FHOD3: variants seen among roughly 807,000 people sequenced by gnomAD.
FHOD3 encodes the protein FH1/FH2 domain-containing protein 3.
FHOD3 carries 90 observed loss-of-function variants against 173.0 expected under a neutral mutation model. The ratio of observed to expected loss-of-function variants is 0.52; its 90% CI spans 0.44 to 0.62. The LOEUF (loss-of-function observed/expected upper bound fraction) is 0.62, where lower values mean the gene tolerates loss of function less well. Among genes scored for constraint, FHOD3 ranks in the 20% least tolerant of loss-of-function variants. The pLI is 0.00. For missense variants in FHOD3, 1,945 were observed against 2,034.7 expected (o/e 0.96, Z 0.85); for synonymous variants, 828 against 823.0 (o/e 1.01, Z -0.10).
intron 3 of FHOD3, among the ~76,000 whole-genome samples, chr18:36,410,740 T>G (rs1406539552): frequency 6.6e-6 from 1 of 152,318 alleles, no homozygotes; most frequent in African/African-American, 2.4e-5. Context: ...TGATTTGCAT[T>G]TCCCATGTGG....
At chr18:36,373,738 G>A (rs1197800145) in intron 3 of FHOD3, among the ~76,000 whole-genome samples, 1 of 152,208 alleles carries the variant, frequency 6.6e-6, no homozygotes, top group Admixed American at 6.5e-5. Context: ...AAGATCTGTA[G>A]GACCTCCAGC....
Position 36,746,899 on chromosome 18 carries a change from T to C in FHOD3, c.4042-46T>C, listed in dbSNP as rs765809682. ...AGTTTTGTCTCTCAGTTCAGGCTGGTGTCCGGCGGTTTCAGTGTTTGCAGT... is the reference window on the plus strand; with the variant it reads ...AGTTTTGTCTCTCAGTTCAGGCTGGCGTCCGGCGGTTTCAGTGTTTGCAGT... On this transcript the variant is annotated intron_variant, in intron 23 of 28. Coordinates refer to ENST00000590592, the MANE Select transcript of FHOD3 (RefSeq NM_001281740.3). 1.4e-5 allele frequency: 20 copies of C among 1,471,158 alleles called. No individual in the cohort carries two copies. In the South Asian group the frequency reaches 2.0e-4, roughly 15 times the overall value. 91.1% of individuals were successfully genotyped at this position (1,471,158 alleles called of 1,614,324 possible).
intron 6 of FHOD3, among the ~76,000 whole-genome samples, chr18:36,586,237 A>G (rs569207978): frequency 2.2e-4 from 34 of 152,342 alleles, no homozygotes; most frequent in South Asian, 1.0e-3. Context: ...AGTGGAAAGA[A>G]TCAGATTGAC....
At chr18:36,361,266 G>A (rs1283099795) in intron 2 of FHOD3, among the ~76,000 whole-genome samples, 1 of 152,142 alleles carries the variant, frequency 6.6e-6, no homozygotes, top group Admixed American at 6.5e-5. Flanking sequence ...CATTAGGGGT[G>A]AGTTCAGCTG....
chr18:36,621,956 C>T (rs1016600865), intron 9 of FHOD3, among the ~76,000 whole-genome samples: 12 of 152,064 alleles, frequency 7.9e-5, no homozygotes, highest in African/African-American at 2.2e-4. Context: ...CAATGATGGA[C>T]GAATCAATAA....
intron 19 of FHOD3, among the ~76,000 whole-genome samples, chr18:36,726,374 T>C (rs2041070960): frequency 6.6e-6 from 1 of 152,200 alleles, no homozygotes; most frequent in Non-Finnish European, 1.5e-5. Flanking sequence ...TTGTCTGGTT[T>C]CTCATCAATT....
At chr18:36,440,213 G>A (rs1450257161) in intron 3 of FHOD3, among the ~76,000 whole-genome samples, 1 of 152,148 alleles carries the variant, frequency 6.6e-6, no homozygotes, top group Admixed American at 6.5e-5. Context: ...AATAGCTAAG[G>A]AATAAACTAC....
intron 24 of FHOD3, among the ~76,000 whole-genome samples, chr18:36,748,987 GAAAGGACCCTA>G (rs923435117): frequency 2.1e-5 from 3 of 140,620 alleles, no homozygotes; most frequent in African/African-American, 9.0e-5. Context: ...CTGAGGCACA[GAAAGGACCCTA>G]TTCAGGGCCT....
intron 5 of FHOD3, among the ~76,000 whole-genome samples, chr18:36,528,565 G>A (rs1382669297): frequency 6.6e-6 from 1 of 152,176 alleles, no homozygotes; most frequent in Admixed American, 6.5e-5. Context: ...ATACATCTGA[G>A]CTGGTGTCCT....
chr18:36,314,329 A>G (rs766127036), intron 1 of FHOD3, among the ~76,000 whole-genome samples: 42 of 152,222 alleles, frequency 2.8e-4, no homozygotes, highest in Non-Finnish European at 5.6e-4. Flanking sequence ...TCACTTCTCA[A>G]TCCCCATGGG....
At chr18:36,624,395 T>C (rs2033935983) in intron 9 of FHOD3, among the ~76,000 whole-genome samples, 1 of 152,180 alleles carries the variant, frequency 6.6e-6, no homozygotes, top group Admixed American at 6.5e-5. Flanking sequence ...AAGGTCTAGT[T>C]GACACCAAAA....
chr18:36,637,527 A>T (rs1838008991), intron 10 of FHOD3, among the ~76,000 whole-genome samples: 1 of 152,168 alleles, frequency 6.6e-6, no homozygotes, highest in South Asian at 2.1e-4. Flanking sequence ...AAGTGCTGGG[A>T]TTACAGGTGT....
intron 14 of FHOD3, among the ~76,000 whole-genome samples, chr18:36,679,387 G>T (rs1295288726): frequency 6.6e-6 from 1 of 151,498 alleles, no homozygotes. Flanking sequence ...ATACACCTTC[G>T]TTTTCCTATT....
At chr18:36,683,533 G>A (rs1226491481) in intron 15 of FHOD3, among the ~76,000 whole-genome samples, 1 of 152,174 alleles carries the variant, frequency 6.6e-6, no homozygotes, top group Non-Finnish European at 1.5e-5. Flanking sequence ...TACAAAACCA[G>A]TGAGAGTTTA....
intron 3 of FHOD3, among the ~76,000 whole-genome samples, chr18:36,483,391 G>A (rs1361620103): frequency 6.6e-6 from 1 of 152,136 alleles, no homozygotes; most frequent in African/African-American, 2.4e-5. Flanking sequence ...CACTGTCCTG[G>A]AACCAAGGAG....
intron 1 of FHOD3, among the ~76,000 whole-genome samples, chr18:36,305,699 C>T (rs2092074740): frequency 6.6e-6 from 1 of 152,132 alleles, no homozygotes; most frequent in Non-Finnish European, 1.5e-5. Context: ...ACACTACCAG[C>T]TTGCATGGCT....
chr18:36,615,517 T>C (rs1473108858), intron 9 of FHOD3, among the ~76,000 whole-genome samples: 1 of 152,198 alleles, frequency 6.6e-6, no homozygotes, highest in Non-Finnish European at 1.5e-5. Flanking sequence ...GACATAGTAG[T>C]CTACATATAG....
intron 1 of FHOD3, among the ~76,000 whole-genome samples, chr18:36,347,594 A>G (rs2045932637): frequency 6.6e-6 from 1 of 152,242 alleles, no homozygotes; most frequent in African/African-American, 2.4e-5. Context: ...AAATACATTC[A>G]TATTATTTCA....
chr18:36,507,049 T>C (rs947857512), intron 4 of FHOD3, among the ~76,000 whole-genome samples: 5 of 152,252 alleles, frequency 3.3e-5, no homozygotes, highest in African/African-American at 9.6e-5. Flanking sequence ...GCCACTGTAC[T>C]TAGTTACCTG....
Sources: gnomAD v4.1 joint callset for allele counts (sites outside exome capture counted in the v4.1 genomes callset) on GRCh38, gnomAD v4.1.1 for gene constraint, MANE v1.5 for transcripts, NCBI Gene and HGNC (gene_info 2026-07-23, HGNC 2026-07-21) for gene names.